Variants in FAP observed in about 807,000 individuals in gnomAD.
The protein encoded by FAP is prolyl endopeptidase FAP.
Under a neutral mutation model 126.5 loss-of-function variants are expected in FAP, and 110 were observed. That is an observed-to-expected ratio of 0.87 (90% CI 0.74 to 1.02). The LOEUF (loss-of-function observed/expected upper bound fraction) is 1.02, where lower values mean the gene tolerates loss of function less well. Among genes scored for constraint, FAP ranks in the 50% least tolerant of loss-of-function variants. The probability of loss-of-function intolerance (pLI) is 0.00; values close to 1 mark genes in which losing one functional copy is unlikely to be tolerated. For missense variants in FAP, 919 were observed against 909.2 expected (o/e 1.01, Z -0.14); for synonymous variants, 334 against 297.3 (o/e 1.12, Z -1.27).
At chr2:162,214,883 C>T (rs931503662) in intron 10 of FAP, among the ~76,000 whole-genome samples, 3 of 151,932 alleles carry the variant, frequency 2.0e-5, no homozygotes, top group Non-Finnish European at 2.9e-5. Flanking sequence ...GTGCTTAAAC[C>T]GCTTAAGAAC....
chr2:162,227,531 C>G (rs1689707093), intron 2 of FAP, among the ~76,000 whole-genome samples: 2 of 152,236 alleles, frequency 1.3e-5, no homozygotes, highest in Admixed American at 1.3e-4. Context: ...CTTCCACAGG[C>G]CACTAAAACT....
intron 9 of FAP, among the ~76,000 whole-genome samples, chr2:162,216,878 C>T (rs1376878334): frequency 6.6e-6 from 1 of 152,130 alleles, no homozygotes; most frequent in African/African-American, 2.4e-5. Flanking sequence ...TTTTAGCAAC[C>T]TTAAGCCTCA....
chr2:162,239,118 C>T (rs1690250150), intron 2 of FAP, among the ~76,000 whole-genome samples: 1 of 151,988 alleles, frequency 6.6e-6, no homozygotes, highest in South Asian at 2.1e-4. Flanking sequence ...CTTTTGGTTT[C>T]CTGAACTTCC....
chr2:162,241,119 A>G (rs1559800551), intron 2 of FAP, among the ~76,000 whole-genome samples: 1 of 152,192 alleles, frequency 6.6e-6, no homozygotes, highest in Non-Finnish European at 1.5e-5. Flanking sequence ...TGAACCAAAA[A>G]ACAACAGTTC....
intron 2 of FAP, among the ~76,000 whole-genome samples, chr2:162,242,487 A>G (rs1374991555): frequency 5.3e-5 from 8 of 152,188 alleles, no homozygotes; most frequent in Non-Finnish European, 8.8e-5. Context: ...TGGAAAGACT[A>G]TTTAGTAATA....
At chr2:162,176,062 C>G (rs1356220619) in intron 21 of FAP, 1 of 152,098 alleles carries the variant, frequency 6.6e-6, no homozygotes, top group African/African-American at 2.4e-5. Context: ...CTTATGACCA[C>G]AGATTTCTGG....
In FAP at chr2:162,243,004, A is replaced by G; in HGVS notation, c.7-12T>C. 6.2e-7 allele frequency: 1 copy of G among 1,603,774 alleles called. No homozygotes were observed. Among genetic ancestry groups the G allele is most frequent in the Non-Finnish European group, 8.5e-7 (1 of 1,172,480 alleles). On this transcript the variant is annotated splice_polypyrimidine_tract_variant and intron_variant, in intron 1 of 25. Coordinates refer to ENST00000188790, the MANE Select transcript of FAP (RefSeq NM_004460.5). ...ATTTTTACCCAAGTCTACATAAAAT[A>G]AAGAGAATTAGGCATACACACAGTT... is the stretch of plus-strand genomic sequence containing the variant.
chr2:162,210,324 C>A (rs909806709), intron 11 of FAP, among the ~76,000 whole-genome samples: 1 of 152,142 alleles, frequency 6.6e-6, no homozygotes, highest in Non-Finnish European at 1.5e-5. Flanking sequence ...GAGTTAAATT[C>A]TTTCTTTTCT....
chr2:162,204,308 A>T (rs1481733059), intron 12 of FAP, among the ~76,000 whole-genome samples: 1 of 152,204 alleles, frequency 6.6e-6, no homozygotes, highest in Non-Finnish European at 1.5e-5. Flanking sequence ...TAACTGTGTG[A>T]CATTAAAATG....
At chr2:162,205,876 A>G (rs1021372276) in intron 12 of FAP, among the ~76,000 whole-genome samples, 1 of 152,164 alleles carries the variant, frequency 6.6e-6, no homozygotes, top group Non-Finnish European at 1.5e-5. Flanking sequence ...TTAATCACTA[A>G]AATAAAACCT....
intron 2 of FAP, among the ~76,000 whole-genome samples, chr2:162,228,586 A>C (rs1336148824): frequency 6.6e-6 from 1 of 152,138 alleles, no homozygotes; most frequent in African/African-American, 2.4e-5. Flanking sequence ...GCAACTAGAC[A>C]CTGAATACTT....
chr2:162,173,168 G>A lies in FAP; in HGVS notation c.2088C>T (p.Leu696=). ...CCTCACCATCTGCTGTTCCGTGGAT[G>A]AGAAGATAGTCTACATTTCTGAAAT... ...AEYFRNVDYL[L]IHGTADDNVH... Residue 696 remains leucine (L), a synonymous_variant, in exon 24 of 26, where the codon CTC becomes CTT. Transcript: ENST00000188790. 2 of 1,612,950 alleles carry A rather than the reference G, an allele frequency of 1.2e-6. No individual in the cohort carries two copies. The highest frequency in any genetic ancestry group is 1.7e-6 in the Non-Finnish European group (2 of 1,179,114).
chr2:162,197,805 G>A, intron 16 of FAP: 1 of 351,340 alleles, frequency 2.8e-6, no homozygotes, highest in Non-Finnish European at 5.6e-6. Flanking sequence ...CCCTACCAGG[G>A]GAGCTGATAC....
intron 9 of FAP, among the ~76,000 whole-genome samples, chr2:162,217,180 T>C: frequency 6.6e-6 from 1 of 152,204 alleles, no homozygotes; most frequent in Non-Finnish European, 1.5e-5. Flanking sequence ...TCCAACCGTC[T>C]TTGTCACCCA....
chr2:162,191,379 A>C (rs1688034423), intron 17 of FAP, among the ~76,000 whole-genome samples: 1 of 152,086 alleles, frequency 6.6e-6, no homozygotes, highest in East Asian at 1.9e-4. Context: ...TTGGAGCACA[A>C]ACAGAATCTC....
intron 17 of FAP, among the ~76,000 whole-genome samples, chr2:162,192,219 A>G (rs568895810): frequency 1.3e-5 from 2 of 152,212 alleles, no homozygotes; most frequent in South Asian, 4.1e-4. Flanking sequence ...TGCAGACCTA[A>G]TTTTGCTTTA....
chr2:162,221,812 G>C (rs1324340376), intron 6 of FAP: 1 of 448,076 alleles, frequency 2.2e-6, no homozygotes, highest in African/African-American at 2.0e-5. Context: ...GAAACCAGTA[G>C]TTTTGTTTTC....
At chr2:162,202,971 G>T in intron 13 of FAP, 29 bp from the exon 14 acceptor site, 1 of 1,606,176 alleles carries the variant, frequency 6.2e-7, no homozygotes, top group Non-Finnish European at 8.5e-7. Context: ...TATGTTGTGT[G>T]AAACTGAGCG....
intron 11 of FAP, 47 bp downstream of exon 11, chr2:162,213,891 T>G (rs748873246): frequency 6.3e-7 from 1 of 1,586,388 alleles, no homozygotes; most frequent in South Asian, 1.2e-5. Flanking sequence ...CCCACTATTG[T>G]GCCTTGATCT....
Sources: gnomAD v4.1 joint callset for allele counts (sites outside exome capture counted in the v4.1 genomes callset) on GRCh38, gnomAD v4.1.1 for gene constraint, MANE v1.5 for transcripts, NCBI Gene and HGNC (gene_info 2026-07-23, HGNC 2026-07-21) for gene names.